HTR2C: variants seen among roughly 807,000 people sequenced by gnomAD.
HTR2C encodes the protein 5-hydroxytryptamine (serotonin) receptor 2C, G protein-coupled.
In HTR2C, 5 loss-of-function variants were observed where a neutral mutation model predicts 21.0. The ratio of observed to expected loss-of-function variants is 0.24; its 90% CI spans 0.12 to 0.50. The LOEUF is 0.50. Ranked by LOEUF, HTR2C falls within the 20% of genes least tolerant of loss-of-function variation. The probability of loss-of-function intolerance (pLI) is 0.98; values close to 1 mark genes in which losing one functional copy is unlikely to be tolerated. For missense variants in HTR2C, 271 were observed against 371.2 expected (o/e 0.73, Z 2.22); for synonymous variants, 150 against 145.3 (o/e 1.03, Z -0.23).
chrX:114,689,251 C>T (rs782302848), intron 2 of HTR2C, among the ~76,000 whole-genome samples: 72 of 74,325 alleles, frequency 9.7e-4, no homozygotes, highest in African/African-American at 3.4e-3. Context: ...TTTATCCACT[C>T]ATTGCTTGAT....
chrX:114,642,263 T>C (rs1227806998), intron 2 of HTR2C, among the ~76,000 whole-genome samples: 2 of 112,279 alleles, frequency 1.8e-5, no homozygotes, highest in African/African-American at 6.5e-5. Context: ...ATATACCCAA[T>C]AATGGGATTG....
At chrX:114,703,643 T>G (rs1379706822) in intron 2 of HTR2C, among the ~76,000 whole-genome samples, 2 of 110,631 alleles carry the variant, frequency 1.8e-5, no homozygotes, top group Admixed American at 9.6e-5. Context: ...ACATCACAAT[T>G]AAAAGAACTA....
chrX:114,597,420 A>C (rs1300590823), intron 1 of HTR2C, among the ~76,000 whole-genome samples: 1 of 111,236 alleles, frequency 9.0e-6, no homozygotes, highest in Non-Finnish European at 1.9e-5. Context: ...ATTGGCATGC[A>C]ACAAAAATGA....
intron 2 of HTR2C, among the ~76,000 whole-genome samples, chrX:114,646,467 A>G (rs1244129057): frequency 8.9e-6 from 1 of 112,110 alleles, no homozygotes; most frequent in Non-Finnish European, 1.9e-5. Context: ...AGAAGTACAA[A>G]TTTTCTAAGA....
At chrX:114,719,752 G>A (rs1933122152) in intron 2 of HTR2C, among the ~76,000 whole-genome samples, 1 of 110,826 alleles carries the variant, frequency 9.0e-6, no homozygotes, top group Non-Finnish European at 1.9e-5. Context: ...TATTTCTCAG[G>A]AATATACATG....
At chrX:114,905,843 G>A (rs1432528132) in intron 5 of HTR2C, among the ~76,000 whole-genome samples, 12 of 111,369 alleles carry the variant, frequency 1.1e-4, no homozygotes, top group African/African-American at 3.6e-4. Flanking sequence ...CCTATTTATT[G>A]AAGGAAGTGC....
At chrX:114,756,738 A>T (rs1376104429) in intron 4 of HTR2C, among the ~76,000 whole-genome samples, 2 of 111,896 alleles carry the variant, frequency 1.8e-5, no homozygotes, top group Non-Finnish European at 3.8e-5. Context: ...CCAAATGGTG[A>T]TGTTAATGTT....
At chrX:114,861,374 A>G (rs2071004715) in intron 5 of HTR2C, among the ~76,000 whole-genome samples, 1 of 111,162 alleles carries the variant, frequency 9.0e-6, no homozygotes, top group African/African-American at 3.3e-5. Context: ...AGGGCTGAAC[A>G]GTATTCCATT....
At chrX:114,776,671 G>A (rs1313077000) in intron 4 of HTR2C, 10 of 492,362 alleles carry the variant, frequency 2.0e-5, no homozygotes, top group African/African-American at 1.4e-4. Context: ...GAGTGGTTCA[G>A]TTTCCCTGAT....
intron 4 of HTR2C, among the ~76,000 whole-genome samples, chrX:114,778,228 T>G (rs898694602): frequency 9.0e-6 from 1 of 111,440 alleles, no homozygotes; most frequent in Non-Finnish European, 1.9e-5. Flanking sequence ...AACATAAGTT[T>G]AAATCCCTAC....
intron 2 of HTR2C, among the ~76,000 whole-genome samples, chrX:114,647,227 G>C (rs905749397): frequency 1.1e-4 from 12 of 111,320 alleles, no homozygotes; most frequent in African/African-American, 3.9e-4. Context: ...TAAAAGAATG[G>C]ATTTTAAATG....
At chrX:114,877,225 T>C (rs1275977789) in intron 5 of HTR2C, among the ~76,000 whole-genome samples, 1 of 111,770 alleles carries the variant, frequency 8.9e-6, no homozygotes, top group East Asian at 2.8e-4. Context: ...TTATCTACTT[T>C]GTTGGCATGT....
intron 1 of HTR2C, among the ~76,000 whole-genome samples, chrX:114,593,904 A>C (rs1453504295): frequency 8.9e-6 from 1 of 111,986 alleles, no homozygotes; most frequent in Non-Finnish European, 1.9e-5. Flanking sequence ...TCAGCTACTT[A>C]AGTAATTCTT....
intron 2 of HTR2C, among the ~76,000 whole-genome samples, chrX:114,725,870 G>A (rs1236947568): frequency 2.9e-4 from 32 of 109,539 alleles, no homozygotes; most frequent in Admixed American, 1.4e-3. Context: ...CAGTCTGCCC[G>A]TTCTCAGATC....
intron 4 of HTR2C, among the ~76,000 whole-genome samples, chrX:114,822,017 T>C (rs1008720353): frequency 1.2e-4 from 13 of 110,047 alleles, no homozygotes; most frequent in African/African-American, 4.3e-4. Context: ...TAGATAATTT[T>C]TGTATTTTTA....
chrX:114,868,976 T>C (rs1322459993), intron 5 of HTR2C, among the ~76,000 whole-genome samples: 6 of 110,607 alleles, frequency 5.4e-5, no homozygotes, highest in Admixed American at 2.9e-4. Context: ...TTTCTCCTAA[T>C]GCTATCCCTC....
intron 2 of HTR2C, among the ~76,000 whole-genome samples, chrX:114,703,409 C>A (rs1259708618): frequency 9.0e-6 from 1 of 111,259 alleles, no homozygotes; most frequent in East Asian, 2.8e-4. Context: ...AAGAAACTCA[C>A]TCAAAACCAC....
chrX:114,887,958 G>A (rs2071232491), intron 5 of HTR2C, among the ~76,000 whole-genome samples: 1 of 110,591 alleles, frequency 9.0e-6, no homozygotes, highest in Non-Finnish European at 1.9e-5. Flanking sequence ...AGGTTGCAGT[G>A]AGCCAAGGTC....
chrX:114,733,034 C>T (rs1231712916), intron 4 of HTR2C, among the ~76,000 whole-genome samples: 2 of 111,637 alleles, frequency 1.8e-5, no homozygotes, highest in East Asian at 2.8e-4. Context: ...CATGCTGTTG[C>T]GTAGAAGAAG....
Sources: allele counts gnomAD v4.1 joint callset (sites outside exome capture counted in the v4.1 genomes callset), GRCh38; gene constraint gnomAD v4.1.1; transcripts MANE v1.5; gene names NCBI Gene and HGNC (gene_info 2026-07-23, HGNC 2026-07-21).